The following SLC6A16 variants were observed in gnomAD, a reference collection of about 807,000 sequenced individuals.
SLC6A16 encodes solute carrier family 6 member 16.
Under a neutral mutation model 65.4 loss-of-function variants are expected in SLC6A16, and 54 were observed. The ratio of observed to expected loss-of-function variants is 0.83; its 90% confidence interval spans 0.66 to 1.04. The LOEUF is 1.04. SLC6A16 is among the 50% of genes least tolerant of loss of function. SLC6A16 has a pLI of 0.00. For synonymous variants in SLC6A16, 330 were observed against 346.5 expected, an observed-to-expected ratio of 0.95 and a Z score of 0.53; for missense variants, 816 against 914.0, an observed-to-expected ratio of 0.89 and a Z score of 1.38.
rs756447935 is a variant in SLC6A16 at position 49,320,428 on chromosome 19, C to CAAAA, written c.-65+4616_-65+4619dup. On this transcript the variant is annotated intron_variant, in intron 1 of 11. Transcript: ENST00000335875. ...CTCTAAAAACAAACAAACAAACAAA[C>CAAAA]AAAAAAAAACCAGATCTTGAATCAA... is the stretch of plus-strand genomic sequence containing the variant. 3.3e-3 allele frequency among the ~76,000 whole-genome samples: 471 copies of CAAAA among 143,002 alleles called. 7 individuals are homozygous for CAAAA. Among genetic ancestry groups the CAAAA allele is most frequent in the African/African-American group, 0.011 (432 of 38,004 alleles). The allele number at this position is 143,002 out of a possible 152,430, so 93.8% of individuals were successfully genotyped here. A position where few individuals can be genotyped will look rare whatever the true frequency, so the allele number is the denominator to read the frequency against.
intron 1 of SLC6A16, among the ~76,000 whole-genome samples, chr19:49,319,497 ATATATGTG>A (rs1433570521): frequency 6.6e-4 from 99 of 150,950 alleles, no homozygotes; most frequent in Non-Finnish European, 7.8e-4. Flanking sequence ...ATACTTATAC[ATATATGTG>A]TATATGTGTA....
At chr19:49,305,345 A>G (rs1970363780) in intron 7 of SLC6A16, among the ~76,000 whole-genome samples, 1 of 152,064 alleles carries the variant, frequency 6.6e-6, no homozygotes, top group East Asian at 1.9e-4. Flanking sequence ...TAATCCCAGC[A>G]CTTTGGGAGG....
chr19:49,332,556 TCAAAAA>T, the SLC6A16 span, among the ~76,000 whole-genome samples: 1 of 152,036 alleles, frequency 6.6e-6, no homozygotes, highest in Non-Finnish European at 1.5e-5. Context: ...AGGCTCTGTC[TCAAAAA>T]CAAAAACAAA....
rs373072759 is a variant in SLC6A16 at position 49,309,290 on chromosome 19, A to G, written c.987+11T>C. 8 of 1,602,996 alleles carry G rather than the reference A, an allele frequency of 5.0e-6. No individual in the cohort carries two copies. In the African/African-American group the frequency reaches 9.4e-5, roughly 19 times the overall value. ...CAAGGCCTGACGGGGGAGTGAGGAG[A>G]TAGATTTCACCTTGGCAACCACCAA... is the stretch of plus-strand genomic sequence containing the variant. On this transcript the variant is annotated intron_variant, in intron 6 of 11. Transcript: ENST00000335875.
intron 7 of SLC6A16, chr19:49,308,673 G>C: frequency 1.6e-6 from 1 of 627,620 alleles, no homozygotes; most frequent in Non-Finnish European, 2.8e-6. Flanking sequence ...TTATTTCTAG[G>C]GTGACAAAAG....
chr19:49,313,365 A>G (rs1248279547), intron 1 of SLC6A16, among the ~76,000 whole-genome samples: 1 of 152,040 alleles, frequency 6.6e-6, no homozygotes, highest in Non-Finnish European at 1.5e-5. Flanking sequence ...GAGTCTCACT[A>G]TGATGCTCAG....
At position 49,325,165 on chromosome 19, in the gene SLC6A16, A is replaced by G. The variant is rs1970778930; in HGVS notation, c.-182T>C. ...CTCAGGCCCCTTCAGGCGTCGACAG[A>G]TCGGTTTGGGCGACACCCCTCGATC... On this transcript the variant is annotated 5_prime_UTR_variant, in exon 1 of 12. Coordinates refer to ENST00000335875, the MANE Select transcript of SLC6A16 (RefSeq NM_014037.3). 2.0e-6 allele frequency: 2 copies of G among 985,312 alleles called. No individual in the cohort carries two copies. The highest frequency in any genetic ancestry group is 3.5e-5 in the African/African-American group (2 of 57,282). 61.0% of individuals were successfully genotyped at this position (985,312 alleles called of 1,614,324 possible). A position where few individuals can be genotyped will look rare whatever the true frequency, so the allele number is the denominator to read the frequency against.
At chr19:49,328,695 A>C (rs1191555518), upstream of SLC6A16, among the ~76,000 whole-genome samples, 1 of 152,226 alleles carries the variant, frequency 6.6e-6, no homozygotes, top group Non-Finnish European at 1.5e-5. Context: ...TATTTCCCCA[A>C]TCTTTGAGTG....
the SLC6A16 span, among the ~76,000 whole-genome samples, chr19:49,330,536 G>A: frequency 6.6e-6 from 1 of 152,184 alleles, no homozygotes; most frequent in African/African-American, 2.4e-5. Flanking sequence ...AAGGAAGGAG[G>A]AAAAGCAAGA....
Position 49,309,699 on chromosome 19 carries a change from C to T in SLC6A16, c.828G>A (p.Trp276Ter). 3.7e-6 allele frequency: 6 copies of T among 1,614,110 alleles called. No individual in the cohort carries two copies. The highest frequency in any genetic ancestry group is 5.1e-6 in the Non-Finnish European group (6 of 1,179,990). ...YSLVLPFFLC[W>*]CLVGAFMING... is the part of the protein sequence containing the mutation. The stretch of plus-strand genomic sequence containing the variant: ...TGATCATGAAAGCACCAACAAGACA[C>T]CAGCAAAGAAAGAAGGGCAGGACCA... The change falls in exon 5 of 12, where the codon TGG becomes TGA. Residue 276 changes from tryptophan to a stop codon, truncating the protein, a stop_gained. Coordinates refer to ENST00000335875, the MANE Select transcript of SLC6A16 (RefSeq NM_014037.3). LOFTEE classifies it high-confidence loss of function.
At chr19:49,316,412 C>G (rs1970613720) in intron 1 of SLC6A16, among the ~76,000 whole-genome samples, 1 of 152,010 alleles carries the variant, frequency 6.6e-6, no homozygotes, top group Non-Finnish European at 1.5e-5. Flanking sequence ...TGGGAGGAAA[C>G]AAAGGAAGCA....
chr19:49,294,975 C>T (rs750538603), intron 7 of SLC6A16, among the ~76,000 whole-genome samples: 1 of 152,148 alleles, frequency 6.6e-6, no homozygotes, highest in Admixed American at 6.5e-5. Context: ...ACTGCTTGTT[C>T]GACTTTTTGA....
rs375394992 is a variant in SLC6A16, at chr19:49,309,712, A to G, written c.815T>C (p.Phe272Ser). The change falls in exon 5 of 12, where the codon TTC becomes TCC. Residue 272 changes from phenylalanine (F) to serine (S), a missense_variant. Phe to Ser is a radical substitution (Grantham distance 155). Transcript: ENST00000335875. Reference sequence around the variant, plus strand: ...ACCAACAAGACACCAGCAAAGAAAGAAGGGCAGGACCAGACTGTAGACTGG... The same window carrying G: ...ACCAACAAGACACCAGCAAAGAAAGGAGGGCAGGACCAGACTGTAGACTGG... ...GSPVYSLVLPFFLCWCLVGAF... is the reference protein window; with the variant it reads ...GSPVYSLVLPSFLCWCLVGAF... The G allele has an allele frequency of 8.7e-6, 14 of 1,614,064 alleles. No homozygotes were observed. The highest frequency in any genetic ancestry group is 1.2e-5 in the Non-Finnish European group (14 of 1,179,988).
At chr19:49,335,526 C>A in the SLC6A16 span, 1 of 1,606,180 alleles carries the variant, frequency 6.2e-7, no homozygotes, top group East Asian at 2.2e-5. The surrounding 1 kb of genome is among the most constrained non-coding windows in gnomAD (Gnocchi z 4.6). Context: ...GGACCGCTTA[C>A]CCCACTAGGT....
the SLC6A16 span, among the ~76,000 whole-genome samples, chr19:49,334,211 C>T: frequency 6.6e-6 from 1 of 152,352 alleles, no homozygotes; most frequent in Non-Finnish European, 1.5e-5. Context: ...AGGCTGGGCA[C>T]AGTGGCTCAC....
rs5828385 is a variant in SLC6A16, at chr19:49,313,072, C to CAAAAAAAAAAAA, written c.-64-1673_-64-1662dup. Among the ~76,000 whole-genome samples, 779 of 95,706 alleles carry CAAAAAAAAAAAA rather than the reference C, an allele frequency of 8.1e-3. 75 individuals are homozygous for CAAAAAAAAAAAA. Among genetic ancestry groups the CAAAAAAAAAAAA allele is most frequent in the African/African-American group, 0.039 (731 of 18,908 alleles). 62.8% of individuals were successfully genotyped at this position (95,706 alleles called of 152,430 possible). On this transcript the variant is annotated intron_variant, in intron 1 of 11. Transcript: ENST00000335875. The stretch of plus-strand genomic sequence containing the variant: ...CACTCCAGCCTGGGCAACCCTGTCT[C>CAAAAAAAAAAAA]AAAAAAAAAAAAAAAAAAAAAAAGA...
In SLC6A16 at chr19:49,309,309, C is replaced by A; in HGVS notation, c.979G>T (p.Val327Phe). ...GAKFGLQQLV[V>F]AKISDVYNMS... ...GAGGAGATAGATTTCACCTTGGCAA[C>A]CACCAACTGTTGAAGGCCAAATTTT... Residue 327 changes from valine to phenylalanine, a missense_variant, in exon 6 of 12, where the codon GTT (valine) becomes TTT (phenylalanine). Val to Phe is a conservative substitution (Grantham distance 50). Coordinates refer to ENST00000335875, the MANE Select transcript of SLC6A16 (RefSeq NM_014037.3). The A allele has an allele frequency of 1.2e-6, 2 of 1,612,220 alleles. No individual in the cohort carries two copies. The highest frequency in any genetic ancestry group is 1.7e-6 in the Non-Finnish European group (2 of 1,178,288).
the SLC6A16 span, among the ~76,000 whole-genome samples, chr19:49,332,685 T>A: frequency 1.3e-5 from 2 of 152,200 alleles, no homozygotes; most frequent in Non-Finnish European, 2.9e-5. Flanking sequence ...CACCACAAGT[T>A]CTGGGGATTA....
upstream of SLC6A16, among the ~76,000 whole-genome samples, chr19:49,326,529 C>T (rs1305945756): frequency 6.6e-6 from 1 of 152,116 alleles, no homozygotes; most frequent in Admixed American, 6.5e-5. Context: ...TTTGGGGGTG[C>T]TGTAAGAATT....
Sources: gnomAD v4.1 joint callset for allele counts (sites outside exome capture counted in the v4.1 genomes callset) on GRCh38, gnomAD v4.1.1 for gene constraint, Gnocchi (gnomAD v3.1) non-coding constraint, MANE v1.5 for transcripts, NCBI Gene and HGNC (gene_info 2026-07-23, HGNC 2026-07-21) for gene names.